Variants in ZBTB7C observed in about 807,000 individuals in gnomAD.
ZBTB7C encodes zinc finger and BTB domain-containing protein 7C.
Under a neutral mutation model 25.7 loss-of-function variants are expected in ZBTB7C, and 8 were observed. The ratio of observed to expected loss-of-function variants is 0.31; its 90% confidence interval spans 0.18 to 0.56. The LOEUF is 0.56. Ranked by LOEUF, ZBTB7C falls within the 20% of genes least tolerant of loss-of-function variation. The pLI is 0.91. For synonymous variants in ZBTB7C, 394 were observed against 369.0 expected (o/e 1.07, Z -0.78); for missense variants, 824 against 855.2 (o/e 0.96, Z 0.46).
At chr18:48,107,805 G>A (rs1296822461) in intron 3 of ZBTB7C, among the ~76,000 whole-genome samples, 5 of 152,236 alleles carry the variant, frequency 3.3e-5, no homozygotes, top group South Asian at 2.1e-4. Flanking sequence ...CTGAGATGGC[G>A]CCTAGGAGAA....
chr18:48,066,505 G>A (rs1436243999), intron 3 of ZBTB7C, among the ~76,000 whole-genome samples: 1 of 152,194 alleles, frequency 6.6e-6, no homozygotes, highest in African/African-American at 2.4e-5. Context: ...CATTAAGTGT[G>A]CAAATGCAAG....
chr18:48,293,130 C>T (rs1236991478), intron 2 of ZBTB7C, among the ~76,000 whole-genome samples: 14 of 152,170 alleles, frequency 9.2e-5, no homozygotes. Context: ...GTGTGGGCTG[C>T]CATAACAAAA....
At chr18:48,288,182 G>A (rs2045113766) in intron 2 of ZBTB7C, among the ~76,000 whole-genome samples, 1 of 152,228 alleles carries the variant, frequency 6.6e-6, no homozygotes, top group African/African-American at 2.4e-5. Flanking sequence ...GAATTTATAA[G>A]AATACAAAGA....
At chr18:48,345,187 T>C (rs1324164790) in intron 1 of ZBTB7C, among the ~76,000 whole-genome samples, 3 of 152,172 alleles carry the variant, frequency 2.0e-5, no homozygotes, top group African/African-American at 7.2e-5. Flanking sequence ...CTTACAGTTA[T>C]TAAGGGTAAA....
chr18:48,134,287 A>T (rs1379003691), intron 3 of ZBTB7C, among the ~76,000 whole-genome samples: 1 of 152,178 alleles, frequency 6.6e-6, no homozygotes, highest in Non-Finnish European at 1.5e-5. Context: ...AACCTATTAC[A>T]CCATTCAGGA....
intron 3 of ZBTB7C, chr18:48,137,243 A>G (rs531532608): frequency 2.0e-6 from 2 of 985,488 alleles, no homozygotes; most frequent in Admixed American, 6.1e-5. Flanking sequence ...GTCCACCTGT[A>G]CTGTTAAGCG....
intron 3 of ZBTB7C, among the ~76,000 whole-genome samples, chr18:48,120,508 G>A (rs8083937): frequency 0.15 from 23,433 of 152,112 alleles, 1,913 homozygotes; most frequent in South Asian, 0.23. Flanking sequence ...TGTAGTCCCA[G>A]TTGAATCAGA....
intron 1 of ZBTB7C, among the ~76,000 whole-genome samples, chr18:48,395,461 ATGTGTGTGTGTG>A (rs71165324): frequency 1.2e-5 from 1 of 83,546 alleles, no homozygotes; most frequent in African/African-American, 4.9e-5. Flanking sequence ...TTCTATTCAA[ATGTGTGTGTGTG>A]TGTGTGTGTG....
At chr18:48,200,314 G>C (rs2042410755) in intron 2 of ZBTB7C, among the ~76,000 whole-genome samples, 1 of 152,038 alleles carries the variant, frequency 6.6e-6, no homozygotes, top group Admixed American at 6.6e-5. Context: ...GACATATTTA[G>C]TGACCCACAC....
intron 3 of ZBTB7C, among the ~76,000 whole-genome samples, chr18:48,045,314 A>C (rs1256334868): frequency 6.6e-6 from 1 of 152,192 alleles, no homozygotes; most frequent in Non-Finnish European, 1.5e-5. Context: ...CGCTCCCCAG[A>C]CAGCCTCCCC....
chr18:48,093,618 C>CAA (rs61347643), intron 3 of ZBTB7C, among the ~76,000 whole-genome samples: 25,188 of 150,674 alleles, frequency 0.17, 2,350 homozygotes, highest in Admixed American at 0.23. Flanking sequence ...TAAAAAAAAA[C>CAA]AAAAAAAACA....
intron 2 of ZBTB7C, among the ~76,000 whole-genome samples, chr18:48,314,567 G>T (rs1486374895): frequency 6.6e-6 from 1 of 152,190 alleles, no homozygotes; most frequent in Admixed American, 6.5e-5. Context: ...TGCATATAGT[G>T]GCCAAGAGCT....
chr18:48,231,223 G>A (rs2043243646), intron 2 of ZBTB7C, among the ~76,000 whole-genome samples: 1 of 152,136 alleles, frequency 6.6e-6, no homozygotes, highest in Non-Finnish European at 1.5e-5. Flanking sequence ...AGGCCTGGGG[G>A]CCAGGCTGCC....
intron 3 of ZBTB7C, among the ~76,000 whole-genome samples, chr18:48,048,794 G>C (rs1252338126): frequency 6.6e-6 from 1 of 152,102 alleles, no homozygotes; most frequent in Non-Finnish European, 1.5e-5. Flanking sequence ...AGGCTCCCAG[G>C]GCTCTCCCCT....
rs143238199 is a variant in ZBTB7C, at chr18:48,259,319, C to G, written c.-78-73324G>C. Among the ~76,000 whole-genome samples the G allele has an allele frequency of 1.3e-5, 2 of 149,122 alleles. 1 individual carries two copies. Among genetic ancestry groups the G allele is most frequent in the East Asian group, 4.0e-4 (2 of 4,948 alleles). ...GAAAAGGATAGTCTTTTCAACAAAT[C>G]TTGATGAAACAATGAGATATTCTTT... On this transcript the variant is annotated intron_variant, in intron 2 of 4. Coordinates refer to ENST00000590800, the MANE Select transcript of ZBTB7C (RefSeq NM_001318841.2).
intron 2 of ZBTB7C, among the ~76,000 whole-genome samples, chr18:48,195,460 C>T (rs2004703): frequency 0.3 from 45,094 of 152,098 alleles, 7,023 homozygotes; most frequent in East Asian, 0.55. Flanking sequence ...TCTTGCCTGC[C>T]GCCATGTAAG....
intron 3 of ZBTB7C, among the ~76,000 whole-genome samples, chr18:48,161,347 A>G (rs2041019335): frequency 6.7e-6 from 1 of 149,906 alleles, no homozygotes; most frequent in Non-Finnish European, 1.5e-5. Flanking sequence ...CCCTTGGAAG[A>G]GCCAGCTCAG....
intron 3 of ZBTB7C, among the ~76,000 whole-genome samples, chr18:48,068,337 C>T (rs913668965): frequency 1.3e-5 from 2 of 151,876 alleles, no homozygotes; most frequent in African/African-American, 4.8e-5. Context: ...AACGGGGTTT[C>T]ACCGTGTTAG....
At chr18:48,284,932 A>C (rs953591629) in intron 2 of ZBTB7C, among the ~76,000 whole-genome samples, 1 of 152,222 alleles carries the variant, frequency 6.6e-6, no homozygotes, top group Non-Finnish European at 1.5e-5. Context: ...TTATCTTATA[A>C]GACTGGACTA....
Sources: gnomAD v4.1 joint callset for allele counts (sites outside exome capture counted in the v4.1 genomes callset) on GRCh38, gnomAD v4.1.1 for gene constraint, MANE v1.5 for transcripts, NCBI Gene and HGNC (gene_info 2026-07-23, HGNC 2026-07-21) for gene names.